The following ZNF730 variants were observed in gnomAD, a reference collection of about 807,000 sequenced individuals.
The protein encoded by ZNF730 is zinc finger protein 730.
In ZNF730, 12 loss-of-function variants were observed where a neutral mutation model predicts 12.6. The observed-to-expected ratio is 0.95, with a 90% confidence interval of 0.61 to 1.54. The LOEUF is 1.54. Ranked by LOEUF, ZNF730 falls within the 40% of genes most tolerant of loss-of-function variation. The pLI, the probability that ZNF730 is intolerant of heterozygous loss-of-function variation, is 0.00. For missense variants in ZNF730, 643 were observed against 583.5 expected, an observed-to-expected ratio of 1.10 and a Z score of -1.05; for synonymous variants, 194 against 195.8, an observed-to-expected ratio of 0.99 and a Z score of 0.08.
intron 1 of ZNF730, among the ~76,000 whole-genome samples, chr19:23,078,725 G>A (rs893795338): frequency 4.6e-5 from 7 of 152,114 alleles, no homozygotes; most frequent in Non-Finnish European, 1.5e-5. Context: ...CCCACCCGAC[G>A]AGAAACACCC....
intron 1 of ZNF730, among the ~76,000 whole-genome samples, chr19:23,093,795 G>A (rs760430786): frequency 6.6e-5 from 10 of 152,216 alleles, no homozygotes; most frequent in Admixed American, 3.3e-4. Context: ...ATCAACAGAC[G>A]GGGTCAGGGG....
intron 3 of ZNF730, among the ~76,000 whole-genome samples, chr19:23,139,393 T>C (rs1223730847): frequency 1.3e-5 from 2 of 152,208 alleles, no homozygotes; most frequent in Non-Finnish European, 2.9e-5. Flanking sequence ...AATCTTCTAT[T>C]TATAATTATA....
intron 3 of ZNF730, 65 bp from the exon 4 acceptor site, chr19:23,145,206 G>T: frequency 8.9e-7 from 1 of 1,121,470 alleles, no homozygotes; most frequent in Non-Finnish European, 1.2e-6. Context: ...TAACTTTATA[G>T]GTTAGGTTTA....
At chr19:23,141,119 A>G (rs4932820) in intron 3 of ZNF730, among the ~76,000 whole-genome samples, 129,969 of 151,966 alleles carry the variant, frequency 0.86, 56,404 homozygotes, top group East Asian at 0.98. Flanking sequence ...TTTAGGCTAG[A>G]TGTGGTGGCT....
chr19:23,142,783 TTTA>T (rs572011059), intron 3 of ZNF730, among the ~76,000 whole-genome samples: 2 of 152,130 alleles, frequency 1.3e-5, no homozygotes, highest in Non-Finnish European at 2.9e-5. Context: ...TTACTGTTAT[TTTA>T]TTATTTTGAT....
At chr19:23,107,051 G>T (rs1211501651) in intron 1 of ZNF730, among the ~76,000 whole-genome samples, 1 of 147,756 alleles carries the variant, frequency 6.8e-6, no homozygotes. Flanking sequence ...TGTGATGCTG[G>T]ACCGGAGTTG....
At chr19:23,076,057 T>C (rs1409411717) in intron 1 of ZNF730, among the ~76,000 whole-genome samples, 1 of 114,334 alleles carries the variant, frequency 8.7e-6, no homozygotes, top group African/African-American at 5.7e-5. Flanking sequence ...CAAGCAGGGC[T>C]CTAATCCACT....
At chr19:23,141,839 T>C (rs1044989420) in intron 3 of ZNF730, among the ~76,000 whole-genome samples, 1 of 152,164 alleles carries the variant, frequency 6.6e-6, no homozygotes, top group African/African-American at 2.4e-5. Context: ...GGGTGCCCTC[T>C]ATACCTTTGT....
intron 1 of ZNF730, among the ~76,000 whole-genome samples, chr19:23,111,435 C>G (rs937522122): frequency 1.3e-5 from 2 of 152,042 alleles, no homozygotes; most frequent in Non-Finnish European, 2.9e-5. Context: ...TTTCTCTAGA[C>G]AAGTTGTAAA....
chr19:23,119,250 A>T (rs1479550301), intron 1 of ZNF730, among the ~76,000 whole-genome samples: 1 of 152,168 alleles, frequency 6.6e-6, no homozygotes, highest in Non-Finnish European at 1.5e-5. Context: ...AACATGAAGG[A>T]TATTAACTTT....
At chr19:23,095,667 A>G (rs957869192) in intron 1 of ZNF730, 2 of 383,424 alleles carry the variant, frequency 5.2e-6, no homozygotes, top group African/African-American at 4.1e-5. Flanking sequence ...AGCCAATGTG[A>G]TGTGAGTCTC....
chr19:23,116,903 C>T, upstream of ZNF730: 6 of 642,258 alleles, frequency 9.3e-6, no homozygotes, highest in African/African-American at 1.9e-5. Flanking sequence ...CTGATCACAT[C>T]TGTCACTCAG....
At chr19:23,102,801 T>G (rs1300089947) in intron 1 of ZNF730, among the ~76,000 whole-genome samples, 2 of 152,158 alleles carry the variant, frequency 1.3e-5, no homozygotes, top group Non-Finnish European at 2.9e-5. Context: ...CGGCCACAAG[T>G]GTGGTGGTGA....
At position 23,117,067 on chromosome 19, in the gene ZNF730, T is replaced by C. The variant is rs572664177; in HGVS notation, c.-107T>C. The C allele has an allele frequency of 1.3e-6, 2 of 1,562,990 alleles. No homozygotes were observed. Among genetic ancestry groups the C allele is most frequent in the Admixed American group, 1.9e-5 (1 of 54,034 alleles). ...CCGCCGAAGCTCCAATTTTCGTCTG[T>C]CTGCTTTGTGTCCTCTGCACGTAGA... On this transcript the variant is annotated 5_prime_UTR_variant, in exon 1 of 4. Transcript: ENST00000597761.
intron 1 of ZNF730, among the ~76,000 whole-genome samples, chr19:23,131,517 G>C (rs1970742492): frequency 1.3e-5 from 2 of 152,174 alleles, no homozygotes; most frequent in South Asian, 2.1e-4. Context: ...AAACATTGTT[G>C]CTTTCTGTTT....
chr19:23,116,345 C>CTTTCCTTT, upstream of ZNF730, among the ~76,000 whole-genome samples: 2 of 115,492 alleles, frequency 1.7e-5, no homozygotes, highest in African/African-American at 6.9e-5. Flanking sequence ...TCCTTTCTTT[C>CTTTCCTTT]CTTATTTCTT....
upstream of ZNF730, among the ~76,000 whole-genome samples, chr19:23,114,620 G>T (rs1970497666): frequency 6.6e-6 from 1 of 151,954 alleles, no homozygotes; most frequent in Admixed American, 6.6e-5. Flanking sequence ...CCAAGTGCTG[G>T]GATTACAGGC....
intron 1 of ZNF730, among the ~76,000 whole-genome samples, chr19:23,104,331 C>T (rs1027884387): frequency 1.3e-5 from 2 of 149,446 alleles, no homozygotes; most frequent in African/African-American, 4.9e-5. Flanking sequence ...ATGCACAGGA[C>T]TCATGAGGAG....
chr19:23,126,661 GTT>G, intron 1 of ZNF730: 32 of 412,220 alleles, frequency 7.8e-5, no homozygotes, highest in East Asian at 1.3e-4. Flanking sequence ...AGTTCCACTA[GTT>G]TTTTTTTTTT....
Sources: allele counts gnomAD v4.1 joint callset (sites outside exome capture counted in the v4.1 genomes callset), GRCh38; gene constraint gnomAD v4.1.1; transcripts MANE v1.5; gene names NCBI Gene and HGNC (gene_info 2026-07-23, HGNC 2026-07-21).